The following PDE4A variants were observed in gnomAD, a reference collection of about 807,000 sequenced individuals.
PDE4A encodes 3',5'-cyclic-AMP phosphodiesterase 4A.
A neutral mutation model predicts 73.9 loss-of-function variants in PDE4A; 21 were observed. That is an observed-to-expected ratio of 0.28 (90% CI 0.20 to 0.41). PDE4A has a LOEUF of 0.41. Ranked by LOEUF, PDE4A falls within the 10% of genes least tolerant of loss-of-function variation. The pLI, the probability that PDE4A is intolerant of heterozygous loss-of-function variation, is 1.00. For missense variants in PDE4A, 958 were observed against 1,211.4 expected, an observed-to-expected ratio of 0.79 and a Z score of 3.10; for synonymous variants, 463 against 505.4, an observed-to-expected ratio of 0.92 and a Z score of 1.13.
chr19:10,461,050 C>A lies in PDE4A; in HGVS notation c.1412C>A (p.Ala471Asp). The part of the protein sequence containing the change: ...LEILAALFAA[A>D]IHDVDHPGVS... ...ATTCTCGCCGCCCTCTTCGCGGCTG[C>A]CATCCACGATGTGGATCACCCTGGG... Residue 471 changes from alanine (A) to aspartate (D), a missense_variant, in exon 11 of 15, where the codon GCC becomes GAC. This residue lies in a region of PDE4A where 570 missense variants were observed against 827.7 expected (regional missense o/e 0.69). Coordinates refer to ENST00000380702, the MANE Select transcript of PDE4A (RefSeq NM_001111307.2). 1 of 1,613,572 alleles carries A rather than the reference C, an allele frequency of 6.2e-7. No homozygotes were observed. Among genetic ancestry groups the A allele is most frequent in the Non-Finnish European group, 8.5e-7 (1 of 1,179,618 alleles).
rs200822199 is a variant in PDE4A, at chr19:10,459,389, G to A, written c.1102-11G>A. 2.7e-4 allele frequency: 440 copies of A among 1,613,996 alleles called. No homozygotes were observed. Among genetic ancestry groups the A allele is most frequent in the Non-Finnish European group, 3.4e-4 (402 of 1,180,042 alleles). ...TACAGGCTTCTGACCTCTGGCCTCC[G>A]TCTCCACCAGGAACTGGAGAACCTG... On this transcript the variant is annotated splice_polypyrimidine_tract_variant and intron_variant, in intron 8 of 14. Coordinates refer to ENST00000380702, the MANE Select transcript of PDE4A (RefSeq NM_001111307.2).
chr19:10,446,901 C>CTTTTTTTCTCTTTTTTTT (rs1939804348), intron 2 of PDE4A, among the ~76,000 whole-genome samples: 3 of 145,424 alleles, frequency 2.1e-5, no homozygotes. Flanking sequence ...GCCTCAGTTC[C>CTTTTTTTCTCTTTTTTTT]TTTTTTTTTT....
chr19:10,456,232 A>G (rs2043168150), intron 7 of PDE4A, among the ~76,000 whole-genome samples: 1 of 151,834 alleles, frequency 6.6e-6, no homozygotes, highest in African/African-American at 2.4e-5. Context: ...CTCTACAAAA[A>G]AAATTAAAAA....
At chr19:10,465,025 C>T (rs529243186) in intron 14 of PDE4A, among the ~76,000 whole-genome samples, 1 of 151,942 alleles carries the variant, frequency 6.6e-6, no homozygotes, top group Non-Finnish European at 1.5e-5. Context: ...CCCCTCCCCA[C>T]TTTATATCCT....
chr19:10,421,416 G>T, intron 1 of PDE4A: 1 of 860,836 alleles, frequency 1.2e-6, no homozygotes, highest in Non-Finnish European at 1.4e-6. Context: ...GGAACCACTT[G>T]GAGGGACCTT....
chr19:10,457,486 C>T (rs1568380675), intron 7 of PDE4A, among the ~76,000 whole-genome samples: 2 of 147,978 alleles, frequency 1.4e-5, no homozygotes, highest in Non-Finnish European at 3.0e-5. Context: ...CCTCTCTCTT[C>T]CCAGTGATGC....
Position 10,458,649 on chromosome 19 carries a change from C to T in PDE4A, c.1101+547C>T, listed in dbSNP as rs555973440. ...ATTTATTTATTTTGAGATGGAGACT[C>T]GCTCTGTTGCCCAGGTTGGAGTGCA... is the stretch of plus-strand genomic sequence containing the variant. On this transcript the variant is annotated intron_variant, in intron 8 of 14. Coordinates refer to ENST00000380702, the MANE Select transcript of PDE4A (RefSeq NM_001111307.2). This position sits in a 1 kb window ranked among gnomAD's most constrained non-coding sequence, Gnocchi z 4.6. Among the ~76,000 whole-genome samples, 17 of 152,208 alleles carry T rather than the reference C, an allele frequency of 1.1e-4. No homozygotes were observed. The highest frequency in any genetic ancestry group is 5.8e-4 in the East Asian group (3 of 5,184).
chr19:10,432,444 G>T, intron 1 of PDE4A: 1 of 1,470,724 alleles, frequency 6.8e-7, no homozygotes, highest in Non-Finnish European at 9.0e-7. Context: ...CATGCGCTCC[G>T]GTGCAGCGCC....
intron 7 of PDE4A, among the ~76,000 whole-genome samples, chr19:10,457,188 G>C (rs2043183616): frequency 6.6e-6 from 1 of 152,184 alleles, no homozygotes; most frequent in Non-Finnish European, 1.5e-5. Flanking sequence ...GACAGAGCGA[G>C]ACTCTGTCTC....
chr19:10,430,838 C>G, intron 1 of PDE4A: 3 of 1,158,374 alleles, frequency 2.6e-6, no homozygotes, highest in Admixed American at 4.7e-5. Context: ...GGGGCCGCCC[C>G]GCGGCCATGG....
chr19:10,422,744 C>G (rs1465962319), intron 1 of PDE4A, among the ~76,000 whole-genome samples: 3 of 152,176 alleles, frequency 2.0e-5, no homozygotes, highest in African/African-American at 7.2e-5. Flanking sequence ...TGTCACGGGC[C>G]CAGCATACAT....
In PDE4A at chr19:10,420,562, G is replaced by A; in HGVS notation, c.-203G>A. 1.6e-6 allele frequency: 2 copies of A among 1,238,746 alleles called. No individual in the cohort carries two copies. The highest frequency in any genetic ancestry group is 1.6e-5 in the African/African-American group (1 of 63,492). 76.7% of individuals were successfully genotyped at this position (1,238,746 alleles called of 1,614,324 possible). On this transcript the variant is annotated 5_prime_UTR_variant, in exon 1 of 15. Coordinates refer to ENST00000380702, the MANE Select transcript of PDE4A (RefSeq NM_001111307.2). This position sits in a 1 kb window ranked among gnomAD's most constrained non-coding sequence, Gnocchi z 6.0. The stretch of plus-strand genomic sequence containing the variant: ...AGAGCGCCGCCGGGCACTGAGCAGA[G>A]CTCCAGGCGCCGAAAGGAAGCTGCA...
intron 14 of PDE4A, among the ~76,000 whole-genome samples, chr19:10,464,863 T>C (rs2043338029): frequency 6.6e-6 from 1 of 151,490 alleles, no homozygotes; most frequent in Non-Finnish European, 1.5e-5. Context: ...ACTATAGGCG[T>C]GCACCACCAC....
intron 13 of PDE4A, among the ~76,000 whole-genome samples, chr19:10,463,532 C>G (rs904532586): frequency 2.6e-5 from 4 of 151,374 alleles, no homozygotes; most frequent in African/African-American, 9.7e-5. Flanking sequence ...CCCACTATAG[C>G]TGGGATTACA....
chr19:10,449,148 CAAGT>C lies in PDE4A; in HGVS notation c.620+3_620+6del. The C allele has an allele frequency of 6.2e-7, 1 of 1,613,338 alleles. No homozygotes were observed. The highest frequency in any genetic ancestry group is 8.5e-7 in the Non-Finnish European group (1 of 1,179,700). ...TGACCAATGTGCCCGTTCCCAGTAA[CAAGT>C]AAGTGAAGGCTGGGCTGCAACAGCT... On this transcript the variant is annotated splice_donor_variant and coding_sequence_variant, in exon 4 of 15. Coordinates refer to ENST00000380702, the MANE Select transcript of PDE4A (RefSeq NM_001111307.2). LOFTEE classifies it high-confidence loss of function.
At chr19:10,425,756 C>T (rs943553783) in intron 1 of PDE4A, among the ~76,000 whole-genome samples, 2 of 151,370 alleles carry the variant, frequency 1.3e-5, no homozygotes, top group African/African-American at 2.4e-5. Context: ...GAGGCTGAGG[C>T]GGGTGGATTA....
intron 1 of PDE4A, among the ~76,000 whole-genome samples, chr19:10,429,830 G>A (rs937266145): frequency 1.3e-5 from 2 of 152,060 alleles, no homozygotes; most frequent in African/African-American, 2.4e-5. Context: ...CATCTCCATG[G>A]TTACTAGGGC....
In PDE4A at chr19:10,420,982, C is replaced by T; in HGVS notation, c.218C>T (p.Thr73Ile). The part of the protein sequence containing the change: ...RPIERADAMD[T>I]SDRPGLRTTR... ...ATAGAGCGCGCCGATGCCATGGACA[C>T]CAGCGACCGGCCCGGCCTGCGCACG... is the stretch of plus-strand genomic sequence containing the variant. The change falls in exon 1 of 15, where the codon ACC (threonine) becomes ATC (isoleucine). Residue 73 changes from threonine to isoleucine, a missense_variant. By Grantham distance (89) the Thr-to-Ile change is moderately conservative. Transcript: ENST00000380702. This position sits in a 1 kb window ranked among gnomAD's most constrained non-coding sequence, Gnocchi z 6.0. 6.5e-7 allele frequency: 1 copy of T among 1,542,188 alleles called. No individual in the cohort carries two copies.
At chr19:10,429,888 A>C (rs1715329741) in intron 1 of PDE4A, among the ~76,000 whole-genome samples, 1 of 152,016 alleles carries the variant, frequency 6.6e-6, no homozygotes. Context: ...GGGTCTCAGC[A>C]CTTGTGGGGG....
Sources: gnomAD v4.1 joint callset for allele counts (sites outside exome capture counted in the v4.1 genomes callset) on GRCh38, gnomAD v4.1.1 for gene constraint, gnomAD v4.1.1 regional missense constraint, Gnocchi (gnomAD v3.1) non-coding constraint, MANE v1.5 for transcripts, NCBI Gene and HGNC (gene_info 2026-07-23, HGNC 2026-07-21) for gene names.